Variants in SGCG observed in about 807,000 individuals in gnomAD.
The protein encoded by SGCG is sarcoglycan gamma.
A neutral mutation model predicts 29.3 loss-of-function variants in SGCG; 26 were observed. The ratio of observed to expected loss-of-function variants is 0.89; its 90% confidence interval spans 0.65 to 1.23. SGCG has a LOEUF of 1.23. Ranked by LOEUF, SGCG falls within the 50% of genes most tolerant of loss-of-function variation. The pLI, the probability that SGCG is intolerant of heterozygous loss-of-function variation, is 0.00. For missense variants in SGCG, 353 were observed against 356.0 expected, an observed-to-expected ratio of 0.99 and a Z score of 0.07; for synonymous variants, 145 against 129.7, an observed-to-expected ratio of 1.12 and a Z score of -0.80.
At chr13:23,210,241 A>G (rs1462233899) in intron 2 of SGCG, among the ~76,000 whole-genome samples, 4 of 152,184 alleles carry the variant, frequency 2.6e-5, no homozygotes, top group Non-Finnish European at 5.9e-5. Flanking sequence ...TTTCATTTTA[A>G]CAGCAAAAAT....
chr13:23,275,120 A>AATATATATAT (rs55873099), intron 4 of SGCG, among the ~76,000 whole-genome samples: 2,919 of 129,800 alleles, frequency 0.022, 71 homozygotes, highest in African/African-American at 0.037. Flanking sequence ...TAATGGATGG[A>AATATATATAT]ATATATATAT....
rs4770403 is a variant in SGCG at position 23,180,988 on chromosome 13, G to A, written c.-88G>A. 22,906 of 152,152 alleles carry A rather than the reference G, an allele frequency of 0.15. 1,846 individuals carry two copies. Among genetic ancestry groups the A allele is most frequent in the Non-Finnish European group, 0.19 (12,618 of 67,990 alleles). The allele number at this position is 152,152 out of a possible 1,614,324, so 9.4% of individuals were successfully genotyped here. A position where few individuals can be genotyped will look rare whatever the true frequency, so the allele number is the denominator to read the frequency against. Reference sequence around the variant, plus strand: ...TTCATCCTTTGCTCTCATTCTGTAAGTCATAGAAAAGTTTGAAACATTCTG... The same window carrying A: ...TTCATCCTTTGCTCTCATTCTGTAAATCATAGAAAAGTTTGAAACATTCTG... On this transcript the variant is annotated 5_prime_UTR_variant, in exon 1 of 8. Coordinates refer to ENST00000218867, the MANE Select transcript of SGCG (RefSeq NM_000231.3).
intron 4 of SGCG, among the ~76,000 whole-genome samples, chr13:23,270,946 G>GT (rs1880851728): frequency 6.6e-6 from 1 of 152,100 alleles, no homozygotes; most frequent in Non-Finnish European, 1.5e-5. Context: ...CTTAGGCCAG[G>GT]TGCAGCGGCT....
intron 3 of SGCG, among the ~76,000 whole-genome samples, chr13:23,238,401 TG>T (rs1879388297): frequency 1.3e-5 from 2 of 152,154 alleles, no homozygotes; most frequent in African/African-American, 4.8e-5. Flanking sequence ...GAAGCTACCT[TG>T]AGACTAGTGA....
At chr13:23,228,743 G>C (rs1878995145) in intron 2 of SGCG, among the ~76,000 whole-genome samples, 1 of 152,116 alleles carries the variant, frequency 6.6e-6, no homozygotes, top group Admixed American at 6.6e-5. Context: ...TCCTGTGTTA[G>C]TATGCTAAAG....
At chr13:23,317,509 G>A (rs1300809122) in intron 6 of SGCG, among the ~76,000 whole-genome samples, 1 of 136,288 alleles carries the variant, frequency 7.3e-6, no homozygotes, top group Non-Finnish European at 1.7e-5. Context: ...CTTCAGAAAC[G>A]GGGACTGTAA....
At chr13:23,308,997 C>T (rs1246376080) in intron 6 of SGCG, among the ~76,000 whole-genome samples, 1 of 152,072 alleles carries the variant, frequency 6.6e-6, no homozygotes, top group Non-Finnish European at 1.5e-5. Context: ...TGGTATATCT[C>T]TCTATTCACA....
intron 4 of SGCG, among the ~76,000 whole-genome samples, chr13:23,272,722 C>T (rs1409492): frequency 0.53 from 79,808 of 151,992 alleles, 22,422 homozygotes; most frequent in Middle Eastern, 0.73. Flanking sequence ...TGTTAGAATT[C>T]GCTTGTGACA....
chr13:23,289,519 T>C (rs1411209987), intron 5 of SGCG, among the ~76,000 whole-genome samples: 2 of 152,244 alleles, frequency 1.3e-5, no homozygotes, highest in Non-Finnish European at 2.9e-5. Flanking sequence ...CTTAAGTTAC[T>C]CTCCCAGCTG....
chr13:23,233,108 G>A (rs919179158), intron 2 of SGCG, among the ~76,000 whole-genome samples: 19 of 152,194 alleles, frequency 1.2e-4, no homozygotes, highest in East Asian at 5.8e-4. Context: ...AGAGATATTC[G>A]CACACCCATG....
At chr13:23,286,814 A>G (rs1881514246) in intron 5 of SGCG, among the ~76,000 whole-genome samples, 2 of 152,338 alleles carry the variant, frequency 1.3e-5, no homozygotes, top group East Asian at 1.9e-4. Flanking sequence ...GAAAATGCCT[A>G]CATGATAAGA....
intron 1 of SGCG, among the ~76,000 whole-genome samples, chr13:23,187,976 C>G (rs1412655547): frequency 1.3e-5 from 2 of 152,218 alleles, no homozygotes; most frequent in African/African-American, 4.8e-5. Context: ...GCCACATTAC[C>G]TTCTTTCCAT....
chr13:23,258,658 C>T (rs1880297888), intron 4 of SGCG, among the ~76,000 whole-genome samples: 1 of 152,102 alleles, frequency 6.6e-6, no homozygotes, highest in Non-Finnish European at 1.5e-5. Context: ...AGTTTTTGCC[C>T]ATTCAGTATG....
chr13:23,253,901 CCTT>C (rs1471112788), intron 4 of SGCG, among the ~76,000 whole-genome samples: 1 of 152,202 alleles, frequency 6.6e-6, no homozygotes, highest in Non-Finnish European at 1.5e-5. Flanking sequence ...TGCACCTGCT[CCTT>C]CTTTGCCTTC....
At chr13:23,244,764 C>A (rs1219208585) in intron 3 of SGCG, 1 of 152,130 alleles carries the variant, frequency 6.6e-6, no homozygotes, top group African/African-American at 2.4e-5. Context: ...TTCTCCAAGG[C>A]GCTTTGAAAT....
At position 23,299,447 on chromosome 13, in the gene SGCG, TATATA is replaced by T. The variant is rs1566037552; in HGVS notation, c.578+3961_578+3965del. Among the ~76,000 whole-genome samples, 69 of 26,348 alleles carry T rather than the reference TATATA, an allele frequency of 2.6e-3. 7 individuals carry two copies. The highest frequency in any genetic ancestry group is 7.7e-3 in the African/African-American group (61 of 7,882). The allele number at this position is 26,348 out of a possible 152,430, so 17.3% of individuals were successfully genotyped here. A position where few individuals can be genotyped will look rare whatever the true frequency, so the allele number is the denominator to read the frequency against. ...ATATATATATATATATATATATATA[TATATA>T]TATATTTTTTTTTTTTTTTTAGTCG... On this transcript the variant is annotated intron_variant, in intron 6 of 7. Transcript: ENST00000218867.
Position 23,198,968 on chromosome 13 carries a change from C to T in SGCG, c.1-4727C>T, listed in dbSNP as rs553243900. The stretch of plus-strand genomic sequence containing the variant: ...CTAAAAATACAAAAAATTAGCGGGG[C>T]GTGGTGGCGGGTGCCTGTAGTCCCA... On this transcript the variant is annotated intron_variant, in intron 1 of 7. Transcript: ENST00000218867. Among the ~76,000 whole-genome samples the T allele has an allele frequency of 4.1e-5, 6 of 146,296 alleles. No individual in the cohort carries two copies. The South Asian group carries it at 1.1e-3, about 27-fold the overall frequency.
intron 4 of SGCG, among the ~76,000 whole-genome samples, chr13:23,275,141 A>ATATATATATATATATATATATATATG (rs1358594186): frequency 6.7e-6 from 1 of 148,680 alleles, no homozygotes; most frequent in South Asian, 2.1e-4. Context: ...ATATATATAT[A>ATATATATATATATATATATATATATG]TAGAAATGAG....
intron 6 of SGCG, among the ~76,000 whole-genome samples, chr13:23,319,363 C>T (rs559546509): frequency 6.6e-6 from 1 of 151,628 alleles, no homozygotes; most frequent in South Asian, 2.1e-4. Context: ...TGGAGCTGTA[C>T]CAAAGTGTTC....
Sources: allele counts gnomAD v4.1 joint callset (sites outside exome capture counted in the v4.1 genomes callset), GRCh38; gene constraint gnomAD v4.1.1; transcripts MANE v1.5; gene names NCBI Gene and HGNC (gene_info 2026-07-23, HGNC 2026-07-21).